Variants in ESS2 observed in about 807,000 individuals in gnomAD.
The protein encoded by ESS2 is splicing factor ESS-2 homolog.
Under a neutral mutation model 52.0 loss-of-function variants are expected in ESS2, and 31 were observed. The observed-to-expected ratio is 0.60, with a 90% confidence interval of 0.45 to 0.81. The LOEUF is 0.81. Among genes scored for constraint, ESS2 ranks in the 30% least tolerant of loss-of-function variants. ESS2 has a pLI of 0.00. For missense variants in ESS2, 602 were observed against 637.2 expected, an observed-to-expected ratio of 0.94 and a Z score of 0.59; for synonymous variants, 285 against 259.2, an observed-to-expected ratio of 1.10 and a Z score of -0.95.
rs1017967391 is a variant in ESS2 at position 19,138,426 on chromosome 22, C to T, written c.823-109G>A. On this transcript the variant is annotated intron_variant, in intron 6 of 9. Transcript: ENST00000252137. ...CTGGAAACACTTCCTCTCCTCAGGG[C>T]AAGGCTGGGGCTCTGGGGTTGGCAG... 49 of 1,061,370 alleles carry T rather than the reference C, an allele frequency of 4.6e-5. 1 individual carries two copies. The highest frequency in any genetic ancestry group is 4.1e-5 in the Non-Finnish European group (29 of 699,860). 65.7% of individuals were successfully genotyped at this position (1,061,370 alleles called of 1,614,324 possible).
In ESS2 at chr22:19,132,872, C is replaced by T. The variant is rs928017723; in HGVS notation, c.*1324G>A. On this transcript the variant is annotated 3_prime_UTR_variant, in exon 10 of 10. Coordinates refer to ENST00000252137, the MANE Select transcript of ESS2 (RefSeq NM_022719.3). This position sits in a 1 kb window ranked among gnomAD's most constrained non-coding sequence, Gnocchi z 4.2. ...GAGGGCCTCTGCCAGGGTCCACCCACCAGGCCCACACTGTCTCCCTCTGAC... is the reference window on the plus strand; with the variant it reads ...GAGGGCCTCTGCCAGGGTCCACCCATCAGGCCCACACTGTCTCCCTCTGAC... The T allele has an allele frequency of 4.7e-6, 1 of 214,448 alleles. No individual in the cohort carries two copies. The highest frequency in any genetic ancestry group is 2.3e-5 in the African/African-American group (1 of 43,238). The allele number at this position is 214,448 out of a possible 1,614,324, so 13.3% of individuals were successfully genotyped here.
At position 19,132,215 on chromosome 22, in the gene ESS2, G is replaced by A. The variant is rs2083515994; in HGVS notation, c.*1981C>T. 1.9e-6 allele frequency: 3 copies of A among 1,612,258 alleles called. No homozygotes were observed. Among genetic ancestry groups the A allele is most frequent in the African/African-American group, 1.3e-5 (1 of 74,888 alleles). ...ATGAGATCCTCAGCCACTCGTGGCT[G>A]CAGCCCCCCAAGCCCAAAGCCACGT... is the stretch of plus-strand genomic sequence containing the variant. On this transcript the variant is annotated 3_prime_UTR_variant, in exon 10 of 10. Transcript: ENST00000252137. The surrounding 1 kb of genome is among the most constrained non-coding windows in gnomAD (Gnocchi z 4.2).
At chr22:19,140,051 C>A (rs1481637783) in intron 3 of ESS2, 27 bp from the exon 4 acceptor site, 3 of 1,610,832 alleles carry the variant, frequency 1.9e-6, no homozygotes, top group African/African-American at 2.7e-5. Flanking sequence ...GGAGGAGGAA[C>A]ACAGCACCCT....
At chr22:19,137,934 A>G (rs1386024614) in intron 7 of ESS2, 3 of 985,214 alleles carry the variant, frequency 3.0e-6, no homozygotes, top group Non-Finnish European at 3.6e-6. Flanking sequence ...CACTGTGCAC[A>G]CACCCCCACC....
intron 1 of ESS2, 70 bp downstream of exon 1, chr22:19,144,436 A>G: frequency 6.2e-7 from 1 of 1,602,554 alleles, no homozygotes; most frequent in African/African-American, 1.3e-5. Context: ...CACCCGAGAG[A>G]GGGAACCTGA....
intron 6 of ESS2, among the ~76,000 whole-genome samples, chr22:19,138,685 A>C (rs1044596106): frequency 1.3e-5 from 2 of 152,164 alleles, no homozygotes; most frequent in South Asian, 4.1e-4. Context: ...CTTATGCTCT[A>C]GTCTCTTCCT....
intron 7 of ESS2, 121 bp from the exon 8 acceptor site, chr22:19,137,553 C>T: frequency 5.3e-6 from 5 of 939,348 alleles, no homozygotes; most frequent in Non-Finnish European, 7.9e-6. Context: ...AGCTAGCCCT[C>T]TCTCCTTCCC....
Position 19,132,543 on chromosome 22 carries a change from C to A in ESS2, c.*1653G>T, listed in dbSNP as rs1339369543. The A allele has an allele frequency of 1.4e-6, 2 of 1,472,512 alleles. No individual in the cohort carries two copies. 91.2% of individuals were successfully genotyped at this position (1,472,512 alleles called of 1,614,324 possible). On this transcript the variant is annotated 3_prime_UTR_variant, in exon 10 of 10. Coordinates refer to ENST00000252137, the MANE Select transcript of ESS2 (RefSeq NM_022719.3). The surrounding 1 kb of genome is among the most constrained non-coding windows in gnomAD (Gnocchi z 4.2). ...GGGGGCATGGTGCAGTCGGCCTTCA[C>A]GTAAACTAAGTAGGCAGGTAGGATC...
chr22:19,141,161 C>T (rs953929236), intron 3 of ESS2, among the ~76,000 whole-genome samples: 14 of 151,272 alleles, frequency 9.3e-5, no homozygotes, highest in Admixed American at 1.3e-4. Flanking sequence ...CTACAAATTG[C>T]CCTGTGATGC....
Position 19,132,109 on chromosome 22 carries a change from G to T in ESS2, c.*2087C>A. ...AAGGAGCACCGTGTGGACTTCCCGC[G>T]CTCCAAGAACCTGACCTGCGAGTGC... On this transcript the variant is annotated 3_prime_UTR_variant, in exon 10 of 10. Transcript: ENST00000252137. This position sits in a 1 kb window ranked among gnomAD's most constrained non-coding sequence, Gnocchi z 4.2. 1 of 1,612,834 alleles carries T rather than the reference G, an allele frequency of 6.2e-7. No individual in the cohort carries two copies. Among genetic ancestry groups the T allele is most frequent in the Non-Finnish European group, 8.5e-7 (1 of 1,179,038 alleles).
chr22:19,137,108 C>T (rs984312722), intron 8 of ESS2, among the ~76,000 whole-genome samples: 26 of 152,168 alleles, frequency 1.7e-4, no homozygotes, highest in African/African-American at 5.3e-4. Flanking sequence ...AAGCCACTCC[C>T]TGCCTTGGTG....
rs1255123024 is a variant in ESS2, at chr22:19,137,310, C to G, written c.1035+13G>C. The G allele has an allele frequency of 6.2e-7, 1 of 1,601,240 alleles. No individual in the cohort carries two copies. The highest frequency in any genetic ancestry group is 1.3e-5 in the African/African-American group (1 of 74,746). On this transcript the variant is annotated intron_variant, in intron 8 of 9. Coordinates refer to ENST00000252137, the MANE Select transcript of ESS2 (RefSeq NM_022719.3). ...CCCCGGTCGCACACAGTTCCCCCAT[C>G]ACCACAACCCACCTTAAAAGCTGGG...
intron 6 of ESS2, 115 bp from the exon 7 acceptor site, chr22:19,138,432 T>G: frequency 1.0e-6 from 1 of 997,422 alleles, no homozygotes; most frequent in Non-Finnish European, 1.6e-6. Flanking sequence ...AGGGCAAGGC[T>G]GGGGCTCTGG....
intron 8 of ESS2, among the ~76,000 whole-genome samples, chr22:19,136,454 G>A (rs1247712355): frequency 2.0e-5 from 3 of 152,100 alleles, no homozygotes; most frequent in African/African-American, 7.2e-5. Flanking sequence ...TTTCCACAAT[G>A]TATGCTGCTA....
At chr22:19,138,389 C>G (rs745964617) in intron 6 of ESS2, 72 bp from the exon 7 acceptor site, 1 of 1,366,810 alleles carries the variant, frequency 7.3e-7, no homozygotes, top group Admixed American at 1.8e-5. Flanking sequence ...TGGGCAAACA[C>G]GTGGGAACAT....
chr22:19,137,116 GTGTCTCA>G (rs2083596109), intron 8 of ESS2, among the ~76,000 whole-genome samples, 200 bp downstream of exon 8: 1 of 152,110 alleles, frequency 6.6e-6, no homozygotes, highest in Non-Finnish European at 1.5e-5. Context: ...CCCTGCCTTG[GTGTCTCA>G]GCCCTTACAC....
At chr22:19,141,117 A>C (rs2083678610) in intron 3 of ESS2, among the ~76,000 whole-genome samples, 1 of 144,634 alleles carries the variant, frequency 6.9e-6, no homozygotes, top group Non-Finnish European at 1.5e-5. Context: ...CCTCATCTCT[A>C]TAGGAAAAAA....
At chr22:19,137,768 A>G in intron 7 of ESS2, 1 of 985,384 alleles carries the variant, frequency 1.0e-6, no homozygotes, top group Non-Finnish European at 1.2e-6. Flanking sequence ...TGGTGCCTTC[A>G]CATGCCCTGG....
rs1410300640 is a variant in ESS2, at chr22:19,134,413, G to A, written c.1214C>T (p.Thr405Met). Residue 405 changes from threonine (T) to methionine (M), a missense_variant, in exon 10 of 10, where the codon ACG (threonine) becomes ATG (methionine). Physicochemically the swap from Thr to Met is moderately conservative, Grantham distance 81 (BLOSUM62 -1). Coordinates refer to ENST00000252137, the MANE Select transcript of ESS2 (RefSeq NM_022719.3). ...SPALQRLVSR[T>M]ASKYTDRALR... ...GGCCCGGTCTGTGTACTTGCTGGCC[G>A]TCCTGCTCACAAGGCGCTGTAGGGC... 4.4e-6 allele frequency: 7 copies of A among 1,607,076 alleles called. No individual in the cohort carries two copies. Among genetic ancestry groups the A allele is most frequent in the African/African-American group, 1.3e-5 (1 of 74,724 alleles).
Sources: allele counts gnomAD v4.1 joint callset (sites outside exome capture counted in the v4.1 genomes callset), GRCh38; gene constraint gnomAD v4.1.1; non-coding constraint Gnocchi (gnomAD v3.1); transcripts MANE v1.5; gene names NCBI Gene and HGNC (gene_info 2026-07-23, HGNC 2026-07-21).